The following RDX variants were observed in gnomAD, a reference collection of about 807,000 sequenced individuals.
The protein encoded by RDX is deafness, autosomal recessive 24.
Under a neutral mutation model 83.7 loss-of-function variants are expected in RDX, and 32 were observed. The ratio of observed to expected loss-of-function variants is 0.38; its 90% CI spans 0.29 to 0.51. The LOEUF is 0.51. RDX is among the 20% of genes least tolerant of loss of function. The pLI, the probability that RDX is intolerant of heterozygous loss-of-function variation, is 0.87. For synonymous variants in RDX, 229 were observed against 222.7 expected, an observed-to-expected ratio of 1.03 and a Z score of -0.25; for missense variants, 600 against 689.9, an observed-to-expected ratio of 0.87 and a Z score of 1.46.
At chr11:110,247,979 T>C (rs1859183933) in intron 9 of RDX, 146 bp from the exon 10 acceptor site, 1 of 889,652 alleles carries the variant, frequency 1.1e-6, no homozygotes, top group African/African-American at 1.7e-5. Flanking sequence ...CTAAGTGAAG[T>C]AACTCAGAAC....
Position 110,237,519 on chromosome 11 carries a change from G to A in RDX, c.1224C>T (p.Ala408=), listed in dbSNP as rs142504999. The change falls in exon 11 of 14, where the codon GCC becomes GCT. Residue 408 remains alanine, a synonymous_variant. Transcript: ENST00000645495. ...EAKSAIAKQA[A]DQMKNQEQLA... ...GCTGCTCCTGATTCTTCATCTGGTC[G>A]GCAGCTTGTTTTGCTATGGCAGACT... 4.5e-5 allele frequency: 72 copies of A among 1,612,586 alleles called. No homozygotes were observed. The highest frequency in any genetic ancestry group is 4.0e-4 in the African/African-American group (30 of 74,902).
intron 1 of RDX, among the ~76,000 whole-genome samples, chr11:110,290,139 G>A (rs3858405): frequency 0.47 from 71,044 of 151,442 alleles, 17,113 homozygotes; most frequent in African/African-American, 0.59. Context: ...AAAAAAAACA[G>A]AGGAAGCAAG....
At chr11:110,280,829 AAAAC>A (rs1860731889) in intron 1 of RDX, among the ~76,000 whole-genome samples, 3 of 152,246 alleles carry the variant, frequency 2.0e-5, no homozygotes, top group African/African-American at 7.2e-5. Context: ...CCCTGTCTCA[AAAAC>A]AAACAAACAA....
intron 5 of RDX, among the ~76,000 whole-genome samples, chr11:110,261,562 T>C (rs578139378): frequency 1.3e-5 from 2 of 152,296 alleles, no homozygotes; most frequent in African/African-American, 4.8e-5. Flanking sequence ...AAGTGTCCGA[T>C]ATACCATACT....
chr11:110,212,222 A>C (rs61900214), intron 14 of RDX, among the ~76,000 whole-genome samples: 9,720 of 151,942 alleles, frequency 0.064, 455 homozygotes, highest in Non-Finnish European at 0.088. Context: ...TGCAAATAAA[A>C]TAGAAAATCT....
chr11:110,264,917 A>G, intron 3 of RDX, 43 bp from the exon 4 acceptor site: 3 of 1,406,532 alleles, frequency 2.1e-6, no homozygotes, highest in Non-Finnish European at 3.0e-6. Flanking sequence ...TCAGTCCAAC[A>G]TACACATTGT....
At chr11:110,277,000 A>G (rs916312641) in intron 2 of RDX, among the ~76,000 whole-genome samples, 6 of 152,228 alleles carry the variant, frequency 3.9e-5, no homozygotes, top group Non-Finnish European at 8.8e-5. Flanking sequence ...ACATATGCAC[A>G]TAATATATCG....
At chr11:110,219,419 C>T (rs1864170244) in intron 14 of RDX, among the ~76,000 whole-genome samples, 1 of 152,154 alleles carries the variant, frequency 6.6e-6, no homozygotes, top group African/African-American at 2.4e-5. Flanking sequence ...GGATTTTGAG[C>T]ACAAGTGACA....
At chr11:110,254,256 C>G (rs946814604) in intron 8 of RDX, 147 bp from the exon 9 acceptor site, 2 of 718,520 alleles carry the variant, frequency 2.8e-6, no homozygotes, top group Admixed American at 2.5e-5. Context: ...TTCATAACTC[C>G]CAGTGAGCAT....
chr11:110,289,746 G>A (rs1387132287), intron 1 of RDX, among the ~76,000 whole-genome samples: 4 of 151,828 alleles, frequency 2.6e-5, no homozygotes, highest in Admixed American at 6.6e-5. Context: ...GCGAAACTCC[G>A]TCTCTACTAA....
chr11:110,177,776 A>G (rs7945686), intron 15 of RDX, among the ~76,000 whole-genome samples: 90,679 of 151,902 alleles, frequency 0.6, 27,981 homozygotes, highest in African/African-American at 0.76. Flanking sequence ...GAGACACCGC[A>G]TCCGGCCTGG....
At chr11:110,274,594 C>T (rs1357063555) in intron 2 of RDX, among the ~76,000 whole-genome samples, 1 of 152,116 alleles carries the variant, frequency 6.6e-6, no homozygotes, top group Non-Finnish European at 1.5e-5. Context: ...CGGGCTCAAG[C>T]GATCCTACCG....
In RDX at chr11:110,237,563, G is replaced by A. The variant is rs756407279; in HGVS notation, c.1180C>T (p.Arg394Ter). The change falls in exon 11 of 14, where the codon CGA becomes TGA. Residue 394 changes from arginine (R) to a stop codon, truncating the protein, a stop_gained. Coordinates refer to ENST00000645495, the MANE Select transcript of RDX (RefSeq NM_002906.4). LOFTEE classifies it high-confidence loss of function. ...EEAERLEKER[R>*]AAEEAKSAIA... ...GCAGACTTTGCCTCTTCAGCAGCTCGACGCTCCTTTTCAAGTCGTTCTGCT... is the reference window on the plus strand; with the variant it reads ...GCAGACTTTGCCTCTTCAGCAGCTCAACGCTCCTTTTCAAGTCGTTCTGCT... 2.5e-6 allele frequency: 4 copies of A among 1,613,764 alleles called. No homozygotes were observed. The highest frequency in any genetic ancestry group is 1.7e-5 in the Admixed American group (1 of 59,994).
chr11:110,178,083 T>C (rs2134214020), intron 15 of RDX, among the ~76,000 whole-genome samples: 1 of 152,264 alleles, frequency 6.6e-6, no homozygotes, highest in South Asian at 2.1e-4. Context: ...CGTCTCACAG[T>C]ATGCCTGGCA....
chr11:110,278,990 TA>T (rs895379056), intron 2 of RDX, among the ~76,000 whole-genome samples: 1 of 151,906 alleles, frequency 6.6e-6, no homozygotes, highest in Non-Finnish European at 1.5e-5. Flanking sequence ...TACCCTTAAA[TA>T]AAAAAAATCT....
chr11:110,232,334 G>A (rs1864671312), intron 13 of RDX, among the ~76,000 whole-genome samples: 1 of 152,034 alleles, frequency 6.6e-6, no homozygotes, highest in African/African-American at 2.4e-5. Flanking sequence ...ATATTACTAT[G>A]AGATTTAAAA....
intron 1 of RDX, among the ~76,000 whole-genome samples, chr11:110,292,742 T>C (rs1861296976): frequency 6.6e-6 from 1 of 152,150 alleles, no homozygotes; most frequent in Non-Finnish European, 1.5e-5. Flanking sequence ...CTAATAGCTT[T>C]ATAAATTCTA....
At chr11:110,221,894 C>T (rs920864587) in intron 14 of RDX, among the ~76,000 whole-genome samples, 1 of 152,136 alleles carries the variant, frequency 6.6e-6, no homozygotes, top group Middle Eastern at 3.2e-3. Context: ...CGATTAACCA[C>T]AATTTTCTTG....
intron 7 of RDX, 61 bp from the exon 8 acceptor site, chr11:110,255,446 T>C: frequency 1.1e-6 from 1 of 901,054 alleles, no homozygotes; most frequent in East Asian, 2.4e-5. Context: ...AATTCCTGTT[T>C]AGGACCTAAA....
Sources: allele counts gnomAD v4.1 joint callset (sites outside exome capture counted in the v4.1 genomes callset), GRCh38; gene constraint gnomAD v4.1.1; transcripts MANE v1.5; gene names NCBI Gene and HGNC (gene_info 2026-07-23, HGNC 2026-07-21).